The following ABCA4 variants were observed in gnomAD, a reference collection of about 807,000 sequenced individuals.
The protein encoded by ABCA4 is ATP binding cassette subfamily A member 4, also known as retinal-specific phospholipid-transporting ATPase ABCA4.
Under a neutral mutation model 263.7 loss-of-function variants are expected in ABCA4, and 196 were observed. The ratio of observed to expected loss-of-function variants is 0.74; its 90% CI spans 0.66 to 0.84. The LOEUF (loss-of-function observed/expected upper bound fraction) is 0.84. ABCA4 is among the 40% of genes least tolerant of loss of function. The probability of loss-of-function intolerance (pLI) is 0.00; values close to 1 mark genes in which losing one functional copy is unlikely to be tolerated. For synonymous variants in ABCA4, 1,133 were observed against 1,094.2 expected, an observed-to-expected ratio of 1.04 and a Z score of -0.70; for missense variants, 2,792 against 2,855.1, an observed-to-expected ratio of 0.98 and a Z score of 0.50.
Position 94,116,976 on chromosome 1 carries a change from T to G in ABCA4, c.67-3910A>C, listed in dbSNP as rs1379087401. ...CCCTCCTTTCTTTCTTTCTCTTTCT[T>G]TCTTTCTTTCTTTCTTTCTTTCTTT... On this transcript the variant is annotated intron_variant, in intron 1 of 49. Transcript: ENST00000370225. 5.5e-3 allele frequency among the ~76,000 whole-genome samples: 530 copies of G among 96,798 alleles called. 7 individuals are homozygous for G. The highest frequency in any genetic ancestry group is 0.02 in the Middle Eastern group (4 of 200). The allele number at this position is 96,798 out of a possible 152,430, so 63.5% of individuals were successfully genotyped here. A position where few individuals can be genotyped will look rare whatever the true frequency, so the allele number is the denominator to read the frequency against.
At position 94,102,866 on chromosome 1, in the gene ABCA4, G is replaced by A. The variant is rs181080450; in HGVS notation, c.570+149C>T. On this transcript the variant is annotated intron_variant, in intron 5 of 49. Coordinates refer to ENST00000370225, the MANE Select transcript of ABCA4 (RefSeq NM_000350.3). ...TGATCACGATCTCAAGTGATCCCCC[G>A]GTTTTTTTCTAAATACAAGGCATTA... 36 of 1,100,384 alleles carry A rather than the reference G, an allele frequency of 3.3e-5. No homozygotes were observed. The Middle Eastern group carries it at 1.7e-3, about 52-fold the overall frequency. The allele number at this position is 1,100,384 out of a possible 1,614,324, so 68.2% of individuals were successfully genotyped here.
intron 36 of ABCA4, among the ~76,000 whole-genome samples, chr1:94,017,749 A>C (rs576011977): frequency 1.3e-5 from 2 of 152,282 alleles, no homozygotes; most frequent in East Asian, 3.9e-4. Flanking sequence ...GGAAGAGAGA[A>C]ATAAATGAGA....
chr1:94,016,314 C>A (rs1659743967), intron 36 of ABCA4, among the ~76,000 whole-genome samples: 1 of 152,194 alleles, frequency 6.6e-6, no homozygotes, highest in African/African-American at 2.4e-5. Flanking sequence ...AGGGGAGGAG[C>A]CATGGTGATC....
intron 20 of ABCA4, 56 bp downstream of exon 20, chr1:94,044,557 C>T: frequency 6.2e-7 from 1 of 1,613,760 alleles, no homozygotes; most frequent in Non-Finnish European, 8.5e-7. Context: ...GAGAAGTGTG[C>T]TGGGGGCAGA....
intron 11 of ABCA4, among the ~76,000 whole-genome samples, chr1:94,067,854 G>A (rs1402799568): frequency 2.6e-5 from 4 of 152,160 alleles, no homozygotes; most frequent in South Asian, 2.1e-4. Context: ...TAGGAGACAC[G>A]ACTAAGCAAA....
chr1:94,037,342 T>G lies in ABCA4; in HGVS notation c.3616A>C (p.Asn1206His), dbSNP rs1267724855. The change falls in exon 25 of 50, where the codon AAT (asparagine) becomes CAT (histidine). Residue 1206 changes from asparagine (N) to histidine (H), a missense_variant. Coordinates refer to ENST00000370225, the MANE Select transcript of ABCA4 (RefSeq NM_000350.3). The stretch of plus-strand genomic sequence containing the variant: ...TGGAGAACTACATCCATCAGCTCAT[T>G]TACATCCCCTAGGACAAGAAAAAAG... Reference protein sequence around the residue: ...TPEQVLDGDVNELMDVVLHHV... With the variant: ...TPEQVLDGDVHELMDVVLHHV... 1 of 1,614,078 alleles carries G rather than the reference T, an allele frequency of 6.2e-7. No homozygotes were observed. The highest frequency in any genetic ancestry group is 1.7e-5 in the Admixed American group (1 of 60,014).
intron 11 of ABCA4, among the ~76,000 whole-genome samples, chr1:94,066,402 T>C (rs1661268616): frequency 6.6e-6 from 1 of 152,246 alleles, no homozygotes; most frequent in African/African-American, 2.4e-5. Flanking sequence ...TAGAACTGCA[T>C]ATAGAGAATT....
chr1:94,118,542 A>C (rs1471860030), intron 1 of ABCA4, among the ~76,000 whole-genome samples: 1 of 152,164 alleles, frequency 6.6e-6, no homozygotes, highest in South Asian at 2.1e-4. Context: ...GAGCTACTGA[A>C]TCTGTTGGGG....
intron 11 of ABCA4, among the ~76,000 whole-genome samples, chr1:94,075,495 C>T (rs191451857): frequency 3.9e-5 from 6 of 152,276 alleles, no homozygotes; most frequent in Non-Finnish European, 7.4e-5. Flanking sequence ...GCCTCGGCTG[C>T]CACTTCCAGA....
chr1:94,022,833 G>A (rs550436015), intron 32 of ABCA4, among the ~76,000 whole-genome samples: 2 of 152,222 alleles, frequency 1.3e-5, no homozygotes, highest in South Asian at 2.1e-4. Flanking sequence ...TCATGTGTAC[G>A]GTCTAGAATC....
At chr1:94,073,292 C>T (rs938170592) in intron 11 of ABCA4, among the ~76,000 whole-genome samples, 2 of 152,160 alleles carry the variant, frequency 1.3e-5, no homozygotes, top group African/African-American at 4.8e-5. Flanking sequence ...GCAGGAAGAT[C>T]AGAAACCACA....
At chr1:94,103,197 A>G (rs1448940400) in intron 4 of ABCA4, 55 bp from the exon 5 acceptor site, 9 of 1,602,740 alleles carry the variant, frequency 5.6e-6, no homozygotes, top group Admixed American at 5.0e-5. Flanking sequence ...GGTCAAAAAA[A>G]GGAAAACAGC....
chr1:94,019,620 G>T lies in ABCA4; in HGVS notation c.5158C>A (p.Pro1720Thr), dbSNP rs781126638. Residue 1720 changes from proline to threonine, a missense_variant, in exon 36 of 50, where the codon CCC becomes ACC. Pro to Thr is a conservative substitution (Grantham distance 38, BLOSUM62 -1). Coordinates refer to ENST00000370225, the MANE Select transcript of ABCA4 (RefSeq NM_000350.3). Reference protein sequence around the residue: ...KHLQFISGVSPTTYWVTNFLW... With the variant: ...KHLQFISGVSTTTYWVTNFLW... ...AAGTTGGTCACCCAGTAGGTGGTGGGGCTCACTCCACTGATAAACTGGAGG... is the reference window on the plus strand; with the variant it reads ...AAGTTGGTCACCCAGTAGGTGGTGGTGCTCACTCCACTGATAAACTGGAGG... The T allele has an allele frequency of 5.6e-6, 9 of 1,610,980 alleles. No homozygotes were observed. Among genetic ancestry groups the T allele is most frequent in the East Asian group, 2.2e-5 (1 of 44,808 alleles).
chr1:94,062,519 C>T, intron 13 of ABCA4, 58 bp downstream of exon 13: 2 of 1,586,810 alleles, frequency 1.3e-6, no homozygotes, highest in Non-Finnish European at 1.7e-6. Flanking sequence ...CCCACCCCAG[C>T]CCACTCCAGC....
intron 30 of ABCA4, 36 bp downstream of exon 30, chr1:94,029,409 G>T: frequency 6.6e-7 from 1 of 1,517,626 alleles, no homozygotes; most frequent in Non-Finnish European, 8.9e-7. Context: ...TCTGTGGCAG[G>T]CAGACCTGGG....
intron 1 of ABCA4, among the ~76,000 whole-genome samples, chr1:94,120,294 G>C (rs543926977): frequency 6.6e-6 from 1 of 152,152 alleles, no homozygotes; most frequent in East Asian, 1.9e-4. Flanking sequence ...AATCTGTGTC[G>C]TGCTTTTAGG....
chr1:94,015,467 G>A (rs1659706389), intron 37 of ABCA4, among the ~76,000 whole-genome samples: 2 of 152,186 alleles, frequency 1.3e-5, no homozygotes, highest in African/African-American at 4.8e-5. Context: ...CTTTGGTCAA[G>A]GCCTCAGTTT....
Position 94,021,118 on chromosome 1 carries a change from T to C in ABCA4, c.5018+122A>G, listed in dbSNP as rs1216374870. On this transcript the variant is annotated intron_variant, in intron 35 of 49. Transcript: ENST00000370225. ...TATTTGAAAGTCGGATGTTCATATG[T>C]GCCTGACTAAACAGCATTACCATCC... The C allele has an allele frequency of 5.1e-6, 7 of 1,376,372 alleles. No individual in the cohort carries two copies. In the African/African-American group the frequency reaches 8.6e-5, roughly 17 times the overall value. The allele number at this position is 1,376,372 out of a possible 1,614,324, so 85.3% of individuals were successfully genotyped here.
rs1046246251 is a variant in ABCA4 at position 94,042,756 on chromosome 1, G to C, written c.3328+5C>G. ...CAGCCCAGGAGACTGAGCAGCAGCT[G>C]TTACCTGAGCGATACTTCAGGAGCA... On this transcript the variant is annotated splice_donor_5th_base_variant and intron_variant, in intron 22 of 49. Coordinates refer to ENST00000370225, the MANE Select transcript of ABCA4 (RefSeq NM_000350.3). 31 of 1,614,052 alleles carry C rather than the reference G, an allele frequency of 1.9e-5. No individual in the cohort carries two copies. Among genetic ancestry groups the C allele is most frequent in the Non-Finnish European group, 2.5e-5 (29 of 1,180,042 alleles).
Sources: gnomAD v4.1 joint callset for allele counts (sites outside exome capture counted in the v4.1 genomes callset) on GRCh38, gnomAD v4.1.1 for gene constraint, MANE v1.5 for transcripts, NCBI Gene and HGNC (gene_info 2026-07-23, HGNC 2026-07-21) for gene names.